Variants in ERCC6L2 observed in about 807,000 individuals in gnomAD.
The protein encoded by ERCC6L2 is DNA excision repair protein ERCC-6-like 2.
Under a neutral mutation model 132.0 loss-of-function variants are expected in ERCC6L2, and 77 were observed. That is an observed-to-expected ratio of 0.58 (90% confidence interval 0.49 to 0.71). The LOEUF is 0.71. Ranked by LOEUF, ERCC6L2 falls within the 30% of genes least tolerant of loss-of-function variation. The probability of loss-of-function intolerance (pLI) is 0.00; values close to 1 mark genes in which losing one functional copy is unlikely to be tolerated. For synonymous variants in ERCC6L2, 583 were observed against 632.4 expected (o/e 0.92, Z 1.17); for missense variants, 1,542 against 1,837.6 (o/e 0.84, Z 2.94).
Position 96,015,411 on chromosome 9 carries a change from C to G in ERCC6L2, c.*2208C>G, listed in dbSNP as rs2133236059. On this transcript the variant is annotated 3_prime_UTR_variant, in exon 19 of 19. Coordinates refer to ENST00000653738, the MANE Select transcript of ERCC6L2 (RefSeq NM_020207.7). ...CCATGTTGGCCAGGCTGGTCTCAAT[C>G]TCCTGGCTGCAAGCGATCCACCTGC... Among the ~76,000 whole-genome samples the G allele has an allele frequency of 6.6e-6, 1 of 151,976 alleles. No homozygotes were observed. Among genetic ancestry groups the G allele is most frequent in the East Asian group, 2.0e-4 (1 of 5,070 alleles).
intron 14 of ERCC6L2, chr9:95,968,477 T>C (rs1832266571): frequency 6.6e-6 from 1 of 152,186 alleles, no homozygotes; most frequent in Non-Finnish European, 1.5e-5. Flanking sequence ...TTCATGCTGC[T>C]TTGGGCCAAA....
At chr9:95,895,410 T>C (rs1771718901) in intron 2 of ERCC6L2, among the ~76,000 whole-genome samples, 1 of 152,204 alleles carries the variant, frequency 6.6e-6, no homozygotes, top group South Asian at 2.1e-4. Context: ...CATTTCCATA[T>C]AATGTGCTTT....
chr9:96,033,254 T>G (rs1300369591), intron 19 of ERCC6L2, among the ~76,000 whole-genome samples: 4 of 151,706 alleles, frequency 2.6e-5, no homozygotes, highest in Non-Finnish European at 4.4e-5. Flanking sequence ...CTGGGTTGTT[T>G]TTTTTTTTGA....
intron 3 of ERCC6L2, among the ~76,000 whole-genome samples, 174 bp from the exon 4 acceptor site, chr9:95,906,904 A>C (rs1480867926): frequency 2.0e-5 from 3 of 152,190 alleles, no homozygotes; most frequent in Middle Eastern, 6.3e-3. Flanking sequence ...ACAGCAAATT[A>C]TTTTTTGAGA....
At chr9:95,915,250 T>C (rs1264939367) in intron 4 of ERCC6L2, among the ~76,000 whole-genome samples, 1 of 152,174 alleles carries the variant, frequency 6.6e-6, no homozygotes, top group Non-Finnish European at 1.5e-5. Context: ...CTCTAAACTT[T>C]CTTAGTGGAC....
At chr9:95,882,990 G>T (rs1827674797) in intron 2 of ERCC6L2, among the ~76,000 whole-genome samples, 1 of 152,156 alleles carries the variant, frequency 6.6e-6, no homozygotes, top group Non-Finnish European at 1.5e-5. Flanking sequence ...AGACAGTTTT[G>T]TTTGTTTGTT....
intron 11 of ERCC6L2, among the ~76,000 whole-genome samples, chr9:95,938,819 G>A (rs907879041): frequency 1.3e-5 from 2 of 152,020 alleles, no homozygotes; most frequent in African/African-American, 2.4e-5. Flanking sequence ...TATATTGAAG[G>A]TAATTATTGA....
intron 19 of ERCC6L2, chr9:96,027,583 G>A (rs1220169465): frequency 1.3e-5 from 2 of 152,202 alleles, no homozygotes; most frequent in African/African-American, 4.8e-5. Flanking sequence ...GGCGGGTCCG[G>A]AAGGAGCCCA....
chr9:96,004,351 G>A (rs1201129575), intron 17 of ERCC6L2, among the ~76,000 whole-genome samples, 169 bp from the exon 18 acceptor site: 1 of 152,050 alleles, frequency 6.6e-6, no homozygotes, highest in Non-Finnish European at 1.5e-5. Context: ...TTTTTTCCCT[G>A]TGTCATCTTC....
intron 2 of ERCC6L2, among the ~76,000 whole-genome samples, chr9:95,891,003 G>A (rs1235504961): frequency 6.6e-6 from 1 of 152,116 alleles, no homozygotes; most frequent in South Asian, 2.1e-4. Context: ...ACCAGTGGTC[G>A]GGAGTTCAAG....
chr9:95,906,335 TGTG>T (rs1252250066), intron 3 of ERCC6L2, among the ~76,000 whole-genome samples: 1 of 152,100 alleles, frequency 6.6e-6, no homozygotes, highest in African/African-American at 2.4e-5. Flanking sequence ...CCATAGGTGA[TGTG>T]GTTCATTAAA....
At chr9:95,989,034 C>T (rs192555580) in intron 17 of ERCC6L2, among the ~76,000 whole-genome samples, 20 of 152,240 alleles carry the variant, frequency 1.3e-4, no homozygotes, top group Admixed American at 5.2e-4. Flanking sequence ...TGAAGAGCTG[C>T]GCAGGGTAAG....
downstream of ERCC6L2, among the ~76,000 whole-genome samples, chr9:96,019,519 A>G (rs1834247867): frequency 6.6e-6 from 1 of 152,032 alleles, no homozygotes; most frequent in African/African-American, 2.4e-5. Context: ...CTGAATCGAC[A>G]GCTCCCTCTC....
chr9:95,919,481 G>A (rs955452553), intron 6 of ERCC6L2, among the ~76,000 whole-genome samples: 10 of 152,176 alleles, frequency 6.6e-5, no homozygotes, highest in Non-Finnish European at 8.8e-5. Context: ...CATCAAAGGC[G>A]TCAAAGTGGT....
chr9:95,891,930 T>G (rs1828191663), intron 2 of ERCC6L2, among the ~76,000 whole-genome samples: 1 of 152,158 alleles, frequency 6.6e-6, no homozygotes, highest in Admixed American at 6.5e-5. Context: ...TTTTTATGTA[T>G]TTTGGATACT....
Position 96,017,478 on chromosome 9 carries a change from G to A in ERCC6L2, c.*4275G>A, listed in dbSNP as rs1834206487. Among the ~76,000 whole-genome samples the A allele has an allele frequency of 6.6e-6, 1 of 152,158 alleles. No individual in the cohort carries two copies. Among genetic ancestry groups the A allele is most frequent in the South Asian group, 2.1e-4 (1 of 4,826 alleles). On this transcript the variant is annotated 3_prime_UTR_variant, in exon 19 of 19. Coordinates refer to ENST00000653738, the MANE Select transcript of ERCC6L2 (RefSeq NM_020207.7). ...GGTAGCAAGTCAGAACCTCCGGAGA[G>A]GCTTTTAAGCATGCACATGTCCAGG...
chr9:95,954,519 C>G (rs904617265), intron 12 of ERCC6L2, among the ~76,000 whole-genome samples: 8 of 152,170 alleles, frequency 5.3e-5, no homozygotes, highest in African/African-American at 9.7e-5. Context: ...ACACTTGTCT[C>G]CACTTGGTGA....
intron 16 of ERCC6L2, among the ~76,000 whole-genome samples, chr9:95,976,207 G>T (rs919560489): frequency 6.6e-6 from 1 of 151,936 alleles, no homozygotes; most frequent in Non-Finnish European, 1.5e-5. Context: ...CTTTCCTCTC[G>T]CTCTCTCTCC....
In ERCC6L2 at chr9:95,923,255, T is replaced by C. The variant is rs2132754423; in HGVS notation, c.1414-5T>C. 1 of 1,612,458 alleles carries C rather than the reference T, an allele frequency of 6.2e-7. No individual in the cohort carries two copies. Among genetic ancestry groups the C allele is most frequent in the Admixed American group, 1.7e-5 (1 of 59,982 alleles). ...ATATCTTTTCTTCTGCCTTTTCCCT[T>C]CAAGGAAACACTTATCAAAAGGATA... is the stretch of plus-strand genomic sequence containing the variant. On this transcript the variant is annotated splice_region_variant and splice_polypyrimidine_tract_variant and intron_variant, in intron 8 of 18. Transcript: ENST00000653738.
Sources: gnomAD v4.1 joint callset for allele counts (sites outside exome capture counted in the v4.1 genomes callset) on GRCh38, gnomAD v4.1.1 for gene constraint, MANE v1.5 for transcripts, NCBI Gene and HGNC (gene_info 2026-07-23, HGNC 2026-07-21) for gene names.